The following SMARCC1 variants were observed in gnomAD, a reference collection of about 807,000 sequenced individuals.
SMARCC1 encodes SWI/SNF related BAF chromatin remodeling complex subunit C1, also known as SWI/SNF complex subunit SMARCC1.
A neutral mutation model predicts 147.4 loss-of-function variants in SMARCC1; 43 were observed. The ratio of observed to expected loss-of-function variants is 0.29; its 90% CI spans 0.23 to 0.38. SMARCC1 has a LOEUF of 0.38. SMARCC1 is among the 10% of genes least tolerant of loss of function. The pLI is 1.00. For synonymous variants in SMARCC1, 495 were observed against 484.4 expected, an observed-to-expected ratio of 1.02 and a Z score of -0.29; for missense variants, 1,119 against 1,381.1, an observed-to-expected ratio of 0.81 and a Z score of 3.01.
At chr3:47,650,296 A>C (rs544340919) in intron 21 of SMARCC1, among the ~76,000 whole-genome samples, 2 of 142,300 alleles carry the variant, frequency 1.4e-5, no homozygotes, top group Admixed American at 7.1e-5. Context: ...AATAATAATA[A>C]TAATTATTAT....
intron 11 of SMARCC1, among the ~76,000 whole-genome samples, chr3:47,697,158 A>C (rs2033863558): frequency 6.6e-6 from 1 of 152,184 alleles, no homozygotes; most frequent in African/African-American, 2.4e-5. Flanking sequence ...GTGTCTCTAC[A>C]ATGAATAAAA....
intron 21 of SMARCC1, among the ~76,000 whole-genome samples, chr3:47,640,984 T>C (rs192066347): frequency 6.6e-6 from 1 of 152,304 alleles, no homozygotes; most frequent in East Asian, 1.9e-4. Flanking sequence ...CTCAGTACTG[T>C]CCATTATAAG....
At chr3:47,642,362 G>T (rs2033059116) in intron 21 of SMARCC1, among the ~76,000 whole-genome samples, 1 of 152,186 alleles carries the variant, frequency 6.6e-6, no homozygotes, top group Non-Finnish European at 1.5e-5. Flanking sequence ...GGCCAAGGCA[G>T]GTGGATCACT....
Position 47,710,671 on chromosome 3 carries a change from C to A in SMARCC1, c.918+12G>T. The A allele has an allele frequency of 6.2e-7, 1 of 1,611,506 alleles. No individual in the cohort carries two copies. Among genetic ancestry groups the A allele is most frequent in the South Asian group, 1.1e-5 (1 of 90,482 alleles). ...CAGACTTAATGATGAGAAACTGTGC[C>A]AAAGAAAATACCTCTTCATTCTTGG... On this transcript the variant is annotated intron_variant, in intron 9 of 27. Coordinates refer to ENST00000254480, the MANE Select transcript of SMARCC1 (RefSeq NM_003074.4).
chr3:47,620,467 A>G (rs373091039), intron 25 of SMARCC1, among the ~76,000 whole-genome samples: 29 of 143,324 alleles, frequency 2.0e-4, no homozygotes, highest in Non-Finnish European at 2.6e-4. Context: ...CGTTTTCAGG[A>G]AAAAAAAAAA....
intron 11 of SMARCC1, among the ~76,000 whole-genome samples, chr3:47,694,636 A>G (rs2033827040): frequency 6.6e-6 from 1 of 152,208 alleles, no homozygotes; most frequent in Admixed American, 6.5e-5. Context: ...GCCAAATTGC[A>G]TTGAATGTCT....
intron 2 of SMARCC1, among the ~76,000 whole-genome samples, chr3:47,767,520 T>C (rs1363852118): frequency 7.5e-6 from 1 of 133,964 alleles, no homozygotes; most frequent in Non-Finnish European, 1.6e-5. Context: ...GATTACAAGG[T>C]GTGAGCCACC....
At chr3:47,686,816 C>G (rs1176918119) in intron 13 of SMARCC1, among the ~76,000 whole-genome samples, 2 of 152,054 alleles carry the variant, frequency 1.3e-5, no homozygotes, top group Non-Finnish European at 2.9e-5. Flanking sequence ...CAGACTTTGT[C>G]TCTACTAAAA....
chr3:47,588,183 C>CCT lies in SMARCC1; in HGVS notation c.*25_*26insAG. 1.3e-6 allele frequency: 2 copies of CCT among 1,555,908 alleles called. No individual in the cohort carries two copies. Among genetic ancestry groups the CCT allele is most frequent in the Non-Finnish European group, 8.9e-7 (1 of 1,128,926 alleles). On this transcript the variant is annotated 3_prime_UTR_variant, in exon 28 of 28. Transcript: ENST00000254480. ...CCCCACTCCAGCTCATGGTGGTGGG[C>CCT]GTGGAGGTTCCCTGCATCTTCCAGG...
chr3:47,734,047 G>A (rs551721802), intron 5 of SMARCC1, among the ~76,000 whole-genome samples: 26 of 151,614 alleles, frequency 1.7e-4, no homozygotes, highest in African/African-American at 4.8e-4. Context: ...ATACACACAC[G>A]TATGTAACAG....
At chr3:47,619,275 A>C (rs2032692439) in intron 25 of SMARCC1, among the ~76,000 whole-genome samples, 1 of 152,180 alleles carries the variant, frequency 6.6e-6, no homozygotes, top group Non-Finnish European at 1.5e-5. Flanking sequence ...TATCCTTTCC[A>C]CTTTCCCAAC....
chr3:47,716,034 G>C (rs1008053060), intron 7 of SMARCC1, among the ~76,000 whole-genome samples: 2 of 150,568 alleles, frequency 1.3e-5, no homozygotes, highest in Admixed American at 6.7e-5. Flanking sequence ...TCACTATACT[G>C]ACCAGTAAAC....
chr3:47,590,559 T>C, intron 27 of SMARCC1, 102 bp downstream of exon 27: 9 of 1,029,130 alleles, frequency 8.7e-6, no homozygotes, highest in Non-Finnish European at 1.1e-5. Context: ...GCATCATCCA[T>C]GGACCTGCCA....
intron 19 of SMARCC1, 171 bp downstream of exon 19, chr3:47,670,487 G>A (rs1456434528): frequency 4.9e-6 from 3 of 606,316 alleles, no homozygotes; most frequent in East Asian, 5.7e-5. Context: ...CAGGACTGAA[G>A]GTAAGAGGAT....
At position 47,587,280 on chromosome 3, in the gene SMARCC1, C is replaced by A. The variant is rs1045923423; in HGVS notation, c.*929G>T. On this transcript the variant is annotated 3_prime_UTR_variant, in exon 28 of 28. Transcript: ENST00000254480. ...TTTTAAAGAGGGAGAAAAAAATGCA[C>A]ACAAAGCAGTGAATAGTAGGCTAGA... The A allele has an allele frequency of 1.4e-5, 2 of 145,314 alleles. No homozygotes were observed. Among genetic ancestry groups the A allele is most frequent in the Admixed American group, 1.4e-4 (2 of 14,030 alleles). 9.0% of individuals were successfully genotyped at this position (145,314 alleles called of 1,614,324 possible).
At chr3:47,598,880 CACACACACAG>C (rs2032342735) in intron 26 of SMARCC1, among the ~76,000 whole-genome samples, 1 of 146,166 alleles carries the variant, frequency 6.8e-6, no homozygotes, top group African/African-American at 2.5e-5. Context: ...CACACACACA[CACACACACAG>C]AGACAAAGAC....
intron 26 of SMARCC1, among the ~76,000 whole-genome samples, chr3:47,598,672 A>G (rs2032336977): frequency 6.6e-6 from 1 of 151,928 alleles, no homozygotes; most frequent in Admixed American, 6.6e-5. Flanking sequence ...TCTACTAAAA[A>G]TATAAAAATC....
At chr3:47,703,055 G>A (rs1449356164) in intron 10 of SMARCC1, among the ~76,000 whole-genome samples, 4 of 152,096 alleles carry the variant, frequency 2.6e-5, no homozygotes, top group African/African-American at 9.7e-5. Context: ...AGCCTCCCCA[G>A]TAGCTGGGAT....
chr3:47,723,684 G>A (rs964761173), intron 6 of SMARCC1, among the ~76,000 whole-genome samples: 2 of 151,930 alleles, frequency 1.3e-5, no homozygotes, highest in Non-Finnish European at 2.9e-5. Context: ...ATGGTGGCGG[G>A]GGCCTGTAAT....
Sources: gnomAD v4.1 joint callset for allele counts (sites outside exome capture counted in the v4.1 genomes callset) on GRCh38, gnomAD v4.1.1 for gene constraint, MANE v1.5 for transcripts, NCBI Gene and HGNC (gene_info 2026-07-23, HGNC 2026-07-21) for gene names.